Variants in RAB3GAP2 observed in about 807,000 individuals in gnomAD.
The protein encoded by RAB3GAP2 is RAB3 GTPase activating non-catalytic protein subunit 2.
In RAB3GAP2, 87 loss-of-function variants were observed where a neutral mutation model predicts 185.3. That is an observed-to-expected ratio of 0.47 (90% CI 0.39 to 0.56). The LOEUF is 0.56. RAB3GAP2 is among the 20% of genes least tolerant of loss of function. The pLI is 0.00. For synonymous variants in RAB3GAP2, 554 were observed against 576.1 expected (o/e 0.96, Z 0.55); for missense variants, 1,492 against 1,638.2 (o/e 0.91, Z 1.54).
chr1:220,196,106 G>A (rs948102355), intron 10 of RAB3GAP2, 144 bp downstream of exon 10: 1 of 891,414 alleles, frequency 1.1e-6, no homozygotes, highest in Non-Finnish European at 1.7e-6. Flanking sequence ...AAGAAAGCTA[G>A]TTGAGATTAA....
intron 21 of RAB3GAP2, among the ~76,000 whole-genome samples, chr1:220,180,457 A>G (rs1658381581): frequency 6.6e-6 from 1 of 152,154 alleles, no homozygotes; most frequent in African/African-American, 2.4e-5. Context: ...CAAAAAAGAA[A>G]ACATTACAAT....
intron 24 of RAB3GAP2, among the ~76,000 whole-genome samples, chr1:220,169,200 A>C (rs1354846130): frequency 6.6e-6 from 1 of 152,236 alleles, no homozygotes; most frequent in Non-Finnish European, 1.5e-5. Flanking sequence ...AAAGAAGTAA[A>C]CTAAAAATCT....
chr1:220,263,829 A>G (rs1183053120), intron 1 of RAB3GAP2, among the ~76,000 whole-genome samples: 1 of 152,104 alleles, frequency 6.6e-6, no homozygotes, highest in Non-Finnish European at 1.5e-5. Flanking sequence ...AAAAGACAAG[A>G]CTGGGAATCA....
intron 1 of RAB3GAP2, among the ~76,000 whole-genome samples, chr1:220,263,912 C>G (rs1297734440): frequency 6.6e-6 from 1 of 151,838 alleles, no homozygotes; most frequent in African/African-American, 2.4e-5. Context: ...TAGTATGTAT[C>G]TCTTGCAAAA....
intron 31 of RAB3GAP2, 43 bp downstream of exon 31, chr1:220,157,227 C>T (rs574888441): frequency 7.2e-6 from 11 of 1,523,270 alleles, no homozygotes; most frequent in African/African-American, 2.7e-5. Flanking sequence ...GTCTGCTAAG[C>T]CTGCAACTCC....
At chr1:220,256,413 C>G (rs753571485) in intron 1 of RAB3GAP2, among the ~76,000 whole-genome samples, 5 of 152,142 alleles carry the variant, frequency 3.3e-5, no homozygotes, top group Non-Finnish European at 5.9e-5. Flanking sequence ...ACAATACTAA[C>G]CTTAAATGTA....
At chr1:220,215,241 G>A (rs1392033954) in intron 2 of RAB3GAP2, among the ~76,000 whole-genome samples, 1 of 151,926 alleles carries the variant, frequency 6.6e-6, no homozygotes, top group Non-Finnish European at 1.5e-5. Flanking sequence ...AAGTAAAATT[G>A]CTGGGTCAAA....
At chr1:220,164,473 G>GTTTTTTTTTTT (rs35024056) in intron 27 of RAB3GAP2, among the ~76,000 whole-genome samples, 27 of 105,582 alleles carry the variant, frequency 2.6e-4, no homozygotes, top group Admixed American at 4.1e-4. Context: ...TTTTTGTTTT[G>GTTTTTTTTTTT]TTTTTTTTTT....
At position 220,171,900 on chromosome 1, in the gene RAB3GAP2, T is replaced by C; in HGVS notation, c.2566A>G (p.Thr856Ala). 6.2e-7 allele frequency: 1 copy of C among 1,614,210 alleles called. No homozygotes were observed. Among genetic ancestry groups the C allele is most frequent in the Non-Finnish European group, 8.5e-7 (1 of 1,180,040 alleles). ...CTTTACCCACTTACTTTTTTCTCTG[T>C]CATGTTGTTTGATATCTGTGCAGCA... ...SVAAQISNNMTEKKFSQTVLG... is the reference protein window; with the variant it reads ...SVAAQISNNMAEKKFSQTVLG... Residue 856 changes from threonine (T) to alanine (A), a missense_variant, in exon 23 of 35, where the codon ACA becomes GCA. Coordinates refer to ENST00000358951, the MANE Select transcript of RAB3GAP2 (RefSeq NM_012414.4).
chr1:220,191,804 G>A (rs535370155), intron 13 of RAB3GAP2, among the ~76,000 whole-genome samples: 1 of 150,954 alleles, frequency 6.6e-6, no homozygotes, highest in Admixed American at 6.6e-5. Flanking sequence ...GGCAACAAGA[G>A]CGAAACTCTC....
intron 13 of RAB3GAP2, 43 bp downstream of exon 13, chr1:220,193,196 TA>T: frequency 6.2e-7 from 1 of 1,608,442 alleles, no homozygotes. Flanking sequence ...ACTATTGGGG[TA>T]AAAAGTGAAT....
chr1:220,176,106 A>G (rs1658283841), intron 21 of RAB3GAP2, among the ~76,000 whole-genome samples: 1 of 152,198 alleles, frequency 6.6e-6, no homozygotes, highest in Non-Finnish European at 1.5e-5. Flanking sequence ...ATATGGACAC[A>G]TATAACAGGA....
Position 220,212,983 on chromosome 1 carries a change from ATATCATATAAAATAATTTTAGC to A in RAB3GAP2, c.305-37_305-16del. The A allele has an allele frequency of 6.4e-7, 1 of 1,571,950 alleles. No individual in the cohort carries two copies. Among genetic ancestry groups the A allele is most frequent in the Non-Finnish European group, 8.7e-7 (1 of 1,146,638 alleles). ...TTTCCATTTTGCTGTAAGAATTAAG[ATATCATATAAAATAATTTTAGC>A]TATAATACACTAAAAGAGTAATTTA... On this transcript the variant is annotated splice_polypyrimidine_tract_variant and intron_variant, in intron 3 of 34. Transcript: ENST00000358951.
At chr1:220,258,490 T>C (rs573329294) in intron 1 of RAB3GAP2, among the ~76,000 whole-genome samples, 1 of 152,292 alleles carries the variant, frequency 6.6e-6, no homozygotes, top group Admixed American at 6.5e-5. Flanking sequence ...AAAAACCACA[T>C]GAATACCTCA....
chr1:220,189,791 G>C (rs957774832), intron 16 of RAB3GAP2, 24 bp from the exon 17 acceptor site: 2 of 1,431,018 alleles, frequency 1.4e-6, no homozygotes, highest in East Asian at 5.0e-5. Context: ...AATAATCAAA[G>C]TAAAATTTTA....
intron 1 of RAB3GAP2, among the ~76,000 whole-genome samples, chr1:220,269,559 T>C (rs1194878438): frequency 6.6e-6 from 1 of 152,086 alleles, no homozygotes; most frequent in Non-Finnish European, 1.5e-5. Flanking sequence ...CCATCTCTAC[T>C]AAAAATACAA....
chr1:220,162,047 A>G, intron 28 of RAB3GAP2, 151 bp downstream of exon 28: 5 of 644,060 alleles, frequency 7.8e-6, no homozygotes, highest in South Asian at 1.9e-5. Flanking sequence ...TTAAAATGCC[A>G]GTACTGGGCA....
chr1:220,202,183 A>G, intron 9 of RAB3GAP2, 93 bp downstream of exon 9: 2 of 1,324,128 alleles, frequency 1.5e-6, no homozygotes, highest in African/African-American at 1.5e-5. Flanking sequence ...ATAATAATAA[A>G]TAAAGAATAA....
intron 1 of RAB3GAP2, chr1:220,267,318 G>C: frequency 9.9e-7 from 1 of 1,014,660 alleles, no homozygotes; most frequent in Non-Finnish European, 1.6e-6. Context: ...TGGCATCATG[G>C]AAATAACCAT....
Sources: allele counts gnomAD v4.1 joint callset (sites outside exome capture counted in the v4.1 genomes callset), GRCh38; gene constraint gnomAD v4.1.1; transcripts MANE v1.5; gene names NCBI Gene and HGNC (gene_info 2026-07-23, HGNC 2026-07-21).